The following DPYSL3 variants were observed in gnomAD, a reference collection of about 807,000 sequenced individuals.
DPYSL3 encodes dihydropyrimidinase like 3.
In DPYSL3, 16 loss-of-function variants were observed where a neutral mutation model predicts 66.1. The observed-to-expected ratio is 0.24, with a 90% CI of 0.16 to 0.37. The LOEUF is 0.37. DPYSL3 is among the 10% of genes least tolerant of loss of function. The probability of loss-of-function intolerance (pLI) is 1.00; values close to 1 mark genes in which losing one functional copy is unlikely to be tolerated. For synonymous variants in DPYSL3, 338 were observed against 345.1 expected, an observed-to-expected ratio of 0.98 and a Z score of 0.23; for missense variants, 738 against 916.2, an observed-to-expected ratio of 0.81 and a Z score of 2.51.
At chr5:147,463,779 A>G (rs1230349260) in intron 1 of DPYSL3, among the ~76,000 whole-genome samples, 1 of 152,106 alleles carries the variant, frequency 6.6e-6, no homozygotes, top group African/African-American at 2.4e-5. Context: ...GAGCAACCCT[A>G]CTTTCCAATC....
intron 1 of DPYSL3, among the ~76,000 whole-genome samples, chr5:147,452,670 T>C (rs1752754510): frequency 1.3e-5 from 2 of 152,066 alleles, no homozygotes; most frequent in Non-Finnish European, 2.9e-5. Context: ...CTGTACCTGA[T>C]AATGGCACGT....
intron 1 of DPYSL3, chr5:147,453,649 C>T: frequency 6.6e-7 from 1 of 1,504,016 alleles, no homozygotes; most frequent in South Asian, 1.3e-5. Flanking sequence ...GGCTCGCCCG[C>T]GCCTTCCTCA....
rs925149454 is a variant in DPYSL3, at chr5:147,391,942, T to C, written c.*2093A>G. 6.6e-6 allele frequency: 1 copy of C among 152,080 alleles called. No homozygotes were observed. Among genetic ancestry groups the C allele is most frequent in the African/African-American group, 2.4e-5 (1 of 41,398 alleles). 9.4% of individuals were successfully genotyped at this position (152,080 alleles called of 1,614,324 possible). On this transcript the variant is annotated 3_prime_UTR_variant, in exon 14 of 14. Transcript: ENST00000343218. The stretch of plus-strand genomic sequence containing the variant: ...GACTTATCTTCATGGCACAGAGAGG[T>C]TGTGCAGAGATGAGTCAGACTCAGG...
intron 1 of DPYSL3, among the ~76,000 whole-genome samples, chr5:147,433,875 T>A (rs1752361801): frequency 6.6e-6 from 1 of 151,956 alleles, no homozygotes. Flanking sequence ...CTACTAAAAA[T>A]ACAAAAATTA....
At chr5:147,447,013 G>A (rs907546844) in intron 1 of DPYSL3, among the ~76,000 whole-genome samples, 1 of 152,172 alleles carries the variant, frequency 6.6e-6, no homozygotes, top group Non-Finnish European at 1.5e-5. Flanking sequence ...TCAATCCCAG[G>A]ATCTTGCTTT....
intron 1 of DPYSL3, among the ~76,000 whole-genome samples, chr5:147,495,433 A>C (rs373653633): frequency 9.8e-5 from 15 of 152,310 alleles, no homozygotes; most frequent in South Asian, 4.2e-4. Context: ...AAGGGCATTC[A>C]ATTAGGAAAA....
chr5:147,492,129 A>T (rs765415966), intron 1 of DPYSL3, among the ~76,000 whole-genome samples: 20 of 152,170 alleles, frequency 1.3e-4, no homozygotes, highest in Non-Finnish European at 2.8e-4. Flanking sequence ...AAAAGAGTGA[A>T]TACAAATATT....
chr5:147,416,338 G>C (rs1454576768), intron 3 of DPYSL3, among the ~76,000 whole-genome samples: 1 of 152,130 alleles, frequency 6.6e-6, no homozygotes, highest in Non-Finnish European at 1.5e-5. Flanking sequence ...GGGCGAAAGC[G>C]AGGTTTAAAG....
intron 1 of DPYSL3, among the ~76,000 whole-genome samples, chr5:147,448,279 T>C (rs1752666554): frequency 1.3e-5 from 2 of 152,134 alleles, no homozygotes; most frequent in South Asian, 4.1e-4. Context: ...TTTAGGAAAA[T>C]GCCCTCTATT....
intron 1 of DPYSL3, among the ~76,000 whole-genome samples, chr5:147,501,108 G>A (rs1025347052): frequency 1.3e-5 from 2 of 152,088 alleles, no homozygotes; most frequent in African/African-American, 2.4e-5. Context: ...ATAAACGGCC[G>A]CACATCCAAA....
intron 8 of DPYSL3, 113 bp downstream of exon 8, chr5:147,405,497 G>A (rs1758303853): frequency 7.2e-7 from 1 of 1,397,558 alleles, no homozygotes; most frequent in Non-Finnish European, 9.5e-7. Flanking sequence ...CGGCTTCCTA[G>A]GGAGCAAGGC....
chr5:147,430,831 T>C (rs753797676), intron 1 of DPYSL3, among the ~76,000 whole-genome samples: 5 of 152,294 alleles, frequency 3.3e-5, no homozygotes, highest in Non-Finnish European at 7.4e-5. Context: ...CATGGACTTC[T>C]TCCCAGTCAA....
chr5:147,424,991 TA>T (rs779351368), intron 1 of DPYSL3, 28 bp from the exon 2 acceptor site: 7 of 1,555,682 alleles, frequency 4.5e-6, no homozygotes, highest in Non-Finnish European at 6.2e-6. Flanking sequence ...CATGAGTTGT[TA>T]TCACAGGTAT....
chr5:147,445,253 G>A (rs1226393677), intron 1 of DPYSL3, among the ~76,000 whole-genome samples: 1 of 152,206 alleles, frequency 6.6e-6, no homozygotes, highest in Non-Finnish European at 1.5e-5. Context: ...TCCAAGTGAT[G>A]GATGGACTTT....
intron 1 of DPYSL3, among the ~76,000 whole-genome samples, chr5:147,436,236 C>G (rs1297076199): frequency 6.6e-6 from 1 of 152,132 alleles, no homozygotes; most frequent in Non-Finnish European, 1.5e-5. Flanking sequence ...AATACCCAGC[C>G]CAGGCCCTGA....
At chr5:147,497,752 TC>T (rs1167685328) in intron 1 of DPYSL3, among the ~76,000 whole-genome samples, 2 of 151,284 alleles carry the variant, frequency 1.3e-5, no homozygotes, top group African/African-American at 2.4e-5. Flanking sequence ...GGGAACTTCC[TC>T]AGCTTGATAA....
At chr5:147,501,945 G>A (rs1561807827) in intron 1 of DPYSL3, among the ~76,000 whole-genome samples, 1 of 152,018 alleles carries the variant, frequency 6.6e-6, no homozygotes, top group Admixed American at 6.6e-5. Context: ...CTAAAAATAC[G>A]AGCTTATTTG....
At position 147,509,608 on chromosome 5, in the gene DPYSL3, T is replaced by TC; in HGVS notation, c.250dup (p.Asp84GlyfsTer46). On this transcript the variant is annotated frameshift_variant, in exon 1 of 14. Coordinates refer to ENST00000343218, the MANE Select transcript of DPYSL3 (RefSeq NM_001197294.2). LOFTEE classifies it high-confidence loss of function. The surrounding 1 kb of genome is among the most constrained non-coding windows in gnomAD (Gnocchi z 5.3). ...CCGGCCTTGGCCCCTGCGCGGGGTG[T>TC]CCCCCTCGATCCCGGGCCGACTCCC... The TC allele has an allele frequency of 6.5e-7, 1 of 1,535,160 alleles. No individual in the cohort carries two copies. The highest frequency in any genetic ancestry group is 8.7e-7 in the Non-Finnish European group (1 of 1,146,568).
chr5:147,465,841 G>A lies in DPYSL3; in HGVS notation c.382-40878C>T, dbSNP rs538656832. 1.7e-4 allele frequency among the ~76,000 whole-genome samples: 26 copies of A among 152,176 alleles called. No homozygotes were observed. The South Asian group carries it at 3.9e-3, about 23-fold the overall frequency. ...GAAGCCTTTGTTAAGACCACAACACGGCTTAACTTGTCCCTCTCCCTGATC... is the reference window on the plus strand; with the variant it reads ...GAAGCCTTTGTTAAGACCACAACACAGCTTAACTTGTCCCTCTCCCTGATC... On this transcript the variant is annotated intron_variant, in intron 1 of 13. Coordinates refer to ENST00000343218, the MANE Select transcript of DPYSL3 (RefSeq NM_001197294.2).
Sources: allele counts gnomAD v4.1 joint callset (sites outside exome capture counted in the v4.1 genomes callset), GRCh38; gene constraint gnomAD v4.1.1; non-coding constraint Gnocchi (gnomAD v3.1); transcripts MANE v1.5; gene names NCBI Gene and HGNC (gene_info 2026-07-23, HGNC 2026-07-21).